The following ZBBX variants were observed in gnomAD, a reference collection of about 807,000 sequenced individuals.
ZBBX encodes the protein zinc finger B-box domain containing, also known as zinc finger B-box domain-containing protein 1.
In ZBBX, 101 loss-of-function variants were observed where a neutral mutation model predicts 108.5. That is an observed-to-expected ratio of 0.93 (90% confidence interval 0.79 to 1.10). ZBBX has a LOEUF of 1.10. Ranked by LOEUF, ZBBX falls within the 50% of genes least tolerant of loss-of-function variation. The pLI is 0.00. For missense variants in ZBBX, 1,009 were observed against 941.4 expected, an observed-to-expected ratio of 1.07 and a Z score of -0.94; for synonymous variants, 356 against 323.4, an observed-to-expected ratio of 1.10 and a Z score of -1.08.
chr3:167,188,151 G>T, the ZBBX span, among the ~76,000 whole-genome samples: 4 of 152,150 alleles, frequency 2.6e-5, no homozygotes, highest in Non-Finnish European at 5.9e-5. Context: ...TATTTGGAAG[G>T]AAAACATGGG....
chr3:167,269,451 T>C (rs552185676), intron 20 of ZBBX, among the ~76,000 whole-genome samples: 1 of 152,314 alleles, frequency 6.6e-6, no homozygotes, highest in East Asian at 1.9e-4. Context: ...TAAGTTAGTC[T>C]AAAAGGATTC....
chr3:167,298,515 T>C, intron 17 of ZBBX, 57 bp from the exon 18 acceptor site: 1 of 1,293,904 alleles, frequency 7.7e-7, no homozygotes, highest in African/African-American at 1.5e-5. Flanking sequence ...CAAACAAGCA[T>C]ATTCATTTAT....
downstream of ZBBX, among the ~76,000 whole-genome samples, chr3:167,237,705 T>G (rs771846891): frequency 3.9e-5 from 6 of 151,934 alleles, no homozygotes; most frequent in Non-Finnish European, 7.4e-5. Context: ...GAAGGGGGCC[T>G]AGTCTACGCT....
intron 20 of ZBBX, among the ~76,000 whole-genome samples, chr3:167,281,022 C>T (rs1171644200): frequency 1.3e-5 from 2 of 151,368 alleles, no homozygotes. Flanking sequence ...CCAAACACCA[C>T]ATATTCTCAC....
At chr3:167,210,887 C>T in the ZBBX span, among the ~76,000 whole-genome samples, 9 of 152,208 alleles carry the variant, frequency 5.9e-5, no homozygotes, top group South Asian at 4.2e-4. Flanking sequence ...ATTTCATCAA[C>T]TCCAGCTCTG....
At chr3:167,307,225 C>T (rs556776173) in intron 16 of ZBBX, among the ~76,000 whole-genome samples, 1 of 152,220 alleles carries the variant, frequency 6.6e-6, no homozygotes, top group East Asian at 1.9e-4. Context: ...GACGAGGATG[C>T]CCTCTCTCAC....
At chr3:167,247,319 G>A (rs917633516) in intron 20 of ZBBX, among the ~76,000 whole-genome samples, 19 of 152,180 alleles carry the variant, frequency 1.2e-4, no homozygotes, top group African/African-American at 4.3e-4. Flanking sequence ...CAACCAGCGG[G>A]TTGAGATGGA....
intron 12 of ZBBX, among the ~76,000 whole-genome samples, chr3:167,320,217 A>G (rs2108312831): frequency 6.6e-6 from 1 of 150,914 alleles, no homozygotes; most frequent in Non-Finnish European, 1.5e-5. Flanking sequence ...TTCCAGAAAA[A>G]AAAGAGATGT....
At chr3:167,244,152 G>A (rs1169409718) in intron 20 of ZBBX, among the ~76,000 whole-genome samples, 7 of 152,094 alleles carry the variant, frequency 4.6e-5, no homozygotes, top group Non-Finnish European at 1.0e-4. Flanking sequence ...AAAGTCACAC[G>A]GCCATATAGT....
chr3:167,302,776 C>G (rs1330478118), intron 17 of ZBBX, among the ~76,000 whole-genome samples: 1 of 152,118 alleles, frequency 6.6e-6, no homozygotes, highest in Non-Finnish European at 1.5e-5. Context: ...GCACCAATTC[C>G]CAGAACCCAG....
chr3:167,364,161 G>A (rs1395945078), intron 6 of ZBBX, among the ~76,000 whole-genome samples: 1 of 150,646 alleles, frequency 6.6e-6, no homozygotes, highest in Non-Finnish European at 1.5e-5. Context: ...AGCACCCCTG[G>A]CCCTTACTCA....
Position 167,281,090 on chromosome 3 carries a change from T to A in ZBBX, c.2254+1148A>T, listed in dbSNP as rs1728725583. Among the ~76,000 whole-genome samples, 3 of 151,946 alleles carry A rather than the reference T, an allele frequency of 2.0e-5. No individual in the cohort carries two copies. In the South Asian group the frequency reaches 6.2e-4, roughly 32 times the overall value. ...GGACACAGGAAGGGGAACATCACAC[T>A]CTGCGGACTGTTGTGGGGTGGGGGT... On this transcript the variant is annotated intron_variant, in intron 20 of 21. Coordinates refer to ENST00000675490, the MANE Select transcript of ZBBX (RefSeq NM_001199201.2).
the ZBBX span, among the ~76,000 whole-genome samples, chr3:167,180,391 C>T: frequency 5.7e-4 from 87 of 152,294 alleles, no homozygotes; most frequent in Middle Eastern, 3.4e-3. Context: ...TTGATCCCTA[C>T]GAATGGTTAC....
At chr3:167,321,200 A>T (rs1736381630) in intron 12 of ZBBX, among the ~76,000 whole-genome samples, 1 of 152,026 alleles carries the variant, frequency 6.6e-6, no homozygotes, top group South Asian at 2.1e-4. Flanking sequence ...AAAGAAAAAA[A>T]ATCTAGCACA....
At chr3:167,368,189 G>A (rs1410373371) in intron 5 of ZBBX, among the ~76,000 whole-genome samples, 1 of 151,318 alleles carries the variant, frequency 6.6e-6, no homozygotes, top group East Asian at 1.9e-4. Flanking sequence ...AAATCAATGA[G>A]AAGCCAAAAG....
At position 167,345,380 on chromosome 3, in the gene ZBBX, G is replaced by A. The variant is rs566780582; in HGVS notation, c.528+5040C>T. Among the ~76,000 whole-genome samples, 15 of 151,808 alleles carry A rather than the reference G, an allele frequency of 9.9e-5. No individual in the cohort carries two copies. In the South Asian group the frequency reaches 2.9e-3, roughly 29 times the overall value. On this transcript the variant is annotated intron_variant, in intron 9 of 21. Coordinates refer to ENST00000675490, the MANE Select transcript of ZBBX (RefSeq NM_001199201.2). ...AATGAACATGCACTTGTAGTATAAG[G>A]AATATGCATTATTCATATTTAAGAA...
intron 10 of ZBBX, among the ~76,000 whole-genome samples, chr3:167,329,809 A>T (rs1029317189): frequency 4.6e-5 from 7 of 152,172 alleles, no homozygotes; most frequent in South Asian, 2.1e-4. Context: ...GCTTAAACCC[A>T]TTGGACATGT....
At chr3:167,280,622 G>A (rs1460433493) in intron 20 of ZBBX, among the ~76,000 whole-genome samples, 1 of 150,948 alleles carries the variant, frequency 6.6e-6, no homozygotes, top group African/African-American at 2.4e-5. Context: ...TAGAGAGGAT[G>A]TGGAGAAATA....
chr3:167,240,973 T>C (rs973616276), intron 21 of ZBBX, 54 bp from the exon 22 acceptor site: 4 of 1,586,138 alleles, frequency 2.5e-6, no homozygotes, highest in Admixed American at 1.7e-5. Flanking sequence ...GTTTCAACTC[T>C]TCATTTATCT....
Sources: allele counts gnomAD v4.1 joint callset (sites outside exome capture counted in the v4.1 genomes callset), GRCh38; gene constraint gnomAD v4.1.1; transcripts MANE v1.5; gene names NCBI Gene and HGNC (gene_info 2026-07-23, HGNC 2026-07-21).